Variants in ARL14EPL observed in about 807,000 individuals in gnomAD.
The protein encoded by ARL14EPL is ARF like GTPase 14 effector protein like.
A neutral mutation model predicts 15.9 loss-of-function variants in ARL14EPL; 17 were observed. The ratio of observed to expected loss-of-function variants is 1.07; its 90% CI spans 0.73 to 1.60. The LOEUF (loss-of-function observed/expected upper bound fraction) is 1.60, where lower values mean the gene tolerates loss of function less well. Among genes scored for constraint, ARL14EPL ranks in the 40% most tolerant of loss-of-function variants. The pLI is 0.00. For missense variants in ARL14EPL, 214 were observed against 185.9 expected (o/e 1.15, Z -0.88); for synonymous variants, 78 against 63.8 (o/e 1.22, Z -1.06).
chr5:116,047,687 G>A (rs911490567), intron 1 of ARL14EPL, among the ~76,000 whole-genome samples: 3 of 152,178 alleles, frequency 2.0e-5, no homozygotes, highest in Non-Finnish European at 2.9e-5. Flanking sequence ...TATAAGGCAG[G>A]ACCCTCTCTG....
Position 116,054,351 on chromosome 5 carries a change from C to T in ARL14EPL, c.236+198C>T, listed in dbSNP as rs1474537617. Among the ~76,000 whole-genome samples the T allele has an allele frequency of 3.9e-5, 6 of 152,102 alleles. No homozygotes were observed. In the East Asian group the frequency reaches 5.8e-4, roughly 15 times the overall value. ...TAGACTATAATCCCGAATTAGGAAT[C>T]GATTTTTTAAAAAGGCTTCAATAGC... On this transcript the variant is annotated intron_variant, in intron 3 of 3. Coordinates refer to ENST00000686077, the MANE Select transcript of ARL14EPL (RefSeq NM_001195581.2).
At chr5:116,052,333 C>T (rs1028723339) in intron 2 of ARL14EPL, 18 of 923,688 alleles carry the variant, frequency 1.9e-5, no homozygotes, top group Admixed American at 5.3e-5. Context: ...GCAAAGATGT[C>T]GGACAAAAAA....
At chr5:116,044,401 A>G (rs1396493) in intron 1 of ARL14EPL, among the ~76,000 whole-genome samples, 8,849 of 152,200 alleles carry the variant, frequency 0.058, 501 homozygotes, top group African/African-American at 0.14. Context: ...GTTTATAAAC[A>G]TGCTTTAGTT....
chr5:116,034,257 T>A (rs765329535), intron 1 of ARL14EPL, among the ~76,000 whole-genome samples: 22 of 152,288 alleles, frequency 1.4e-4, no homozygotes, highest in South Asian at 8.3e-4. Flanking sequence ...GTAGGGACAA[T>A]CCTTAGTGAT....
At chr5:116,034,681 G>A (rs985187832) in intron 1 of ARL14EPL, among the ~76,000 whole-genome samples, 1 of 119,970 alleles carries the variant, frequency 8.3e-6, no homozygotes, top group Non-Finnish European at 1.8e-5. Flanking sequence ...TCTTCTGTGG[G>A]TGATATACCA....
chr5:116,054,560 G>A (rs750630376), intron 3 of ARL14EPL, among the ~76,000 whole-genome samples: 44 of 152,294 alleles, frequency 2.9e-4, no homozygotes, highest in Admixed American at 1.1e-3. Context: ...GGCTGGGCAC[G>A]GTGGCTCACA....
At chr5:116,050,816 T>TCTCTCTCTCAC (rs1561579525) in intron 1 of ARL14EPL, among the ~76,000 whole-genome samples, 1 of 81,504 alleles carries the variant, frequency 1.2e-5, no homozygotes, top group Admixed American at 1.2e-4. Flanking sequence ...CTCTCTCTCT[T>TCTCTCTCTCAC]ACACACACAC....
chr5:116,054,032 T>C lies in ARL14EPL; in HGVS notation c.115T>C (p.Leu39=). Residue 39 remains leucine, a synonymous_variant, in exon 3 of 4, where the codon TTA becomes CTA. Transcript: ENST00000686077. ...QKQLQQIERQ[L]KCLAFRNPGP... ...TTAATAGCAACAAATAGAGCGGCAGTTAAAATGCTTGGCATTTCGAAACCC... is the reference window on the plus strand; with the variant it reads ...TTAATAGCAACAAATAGAGCGGCAGCTAAAATGCTTGGCATTTCGAAACCC... 6.5e-7 allele frequency: 1 copy of C among 1,535,268 alleles called. No homozygotes were observed. Among genetic ancestry groups the C allele is most frequent in the Non-Finnish European group, 8.7e-7 (1 of 1,146,510 alleles).
In ARL14EPL at chr5:116,046,701, C is replaced by A. The variant is rs139864637; in HGVS notation, c.-9-4756C>A. Among the ~76,000 whole-genome samples the A allele has an allele frequency of 3.1e-3, 475 of 152,276 alleles. 3 individuals are homozygous for A. The highest frequency in any genetic ancestry group is 0.011 in the African/African-American group (470 of 41,558). On this transcript the variant is annotated intron_variant, in intron 1 of 3. Transcript: ENST00000686077. ...CCTAAGGAATGATAATCTGTTCCAG[C>A]GCTGAAGAAATGCCTGGCTATGTTG... is the stretch of plus-strand genomic sequence containing the variant.
intron 1 of ARL14EPL, among the ~76,000 whole-genome samples, chr5:116,047,261 G>A (rs1050845347): frequency 5.9e-5 from 9 of 152,194 alleles, no homozygotes; most frequent in Non-Finnish European, 1.3e-4. Flanking sequence ...TGAGTGTTGC[G>A]TTTCTGAAGA....
At chr5:116,035,272 A>G (rs1293267856) in intron 1 of ARL14EPL, among the ~76,000 whole-genome samples, 2 of 152,230 alleles carry the variant, frequency 1.3e-5, no homozygotes, top group South Asian at 4.1e-4. Flanking sequence ...ACAATGGTTA[A>G]ACAAAGCAGC....
chr5:116,040,387 A>G (rs1477979491), intron 1 of ARL14EPL, among the ~76,000 whole-genome samples: 3 of 151,666 alleles, frequency 2.0e-5, no homozygotes, highest in Admixed American at 6.6e-5. Context: ...AATAGAAATT[A>G]TAGCCGTTTG....
chr5:116,047,683 G>A (rs985760072), intron 1 of ARL14EPL, among the ~76,000 whole-genome samples: 4 of 152,302 alleles, frequency 2.6e-5, no homozygotes, highest in African/African-American at 9.6e-5. Context: ...TGGGTATAAG[G>A]CAGGACCCTC....
intron 1 of ARL14EPL, among the ~76,000 whole-genome samples, chr5:116,050,396 G>A (rs1749347489): frequency 6.6e-6 from 1 of 152,204 alleles, no homozygotes; most frequent in South Asian, 2.1e-4. Context: ...GCTTCCAGCT[G>A]CATCCATGTT....
chr5:116,039,872 A>C (rs1040476220), intron 1 of ARL14EPL, among the ~76,000 whole-genome samples: 13 of 152,336 alleles, frequency 8.5e-5, no homozygotes, highest in African/African-American at 2.9e-4. Flanking sequence ...AAATGATTAC[A>C]TTCCTAGAAA....
chr5:116,051,112 ATCATACTTTT>A (rs1316083100), intron 1 of ARL14EPL: 5 of 181,908 alleles, frequency 2.7e-5, no homozygotes, highest in Non-Finnish European at 5.7e-5. Flanking sequence ...GCATTAACGT[ATCATACTTTT>A]TCTTTCAAGA....
At position 116,054,159 on chromosome 5, in the gene ARL14EPL, A is replaced by T. The variant is rs1321868629; in HGVS notation, c.236+6A>T. 3 of 1,533,640 alleles carry T rather than the reference A, an allele frequency of 2.0e-6. No individual in the cohort carries two copies. Among genetic ancestry groups the T allele is most frequent in the Non-Finnish European group, 2.6e-6 (3 of 1,145,586 alleles). On this transcript the variant is annotated splice_donor_region_variant and intron_variant, in intron 3 of 3. Coordinates refer to ENST00000686077, the MANE Select transcript of ARL14EPL (RefSeq NM_001195581.2). ...TATTTTTCTACCAAATACAAGTAAGATTCTGACTTATTGTATTTGATCTGT... is the reference window on the plus strand; with the variant it reads ...TATTTTTCTACCAAATACAAGTAAGTTTCTGACTTATTGTATTTGATCTGT...
chr5:116,048,073 G>A (rs372427786), intron 1 of ARL14EPL, among the ~76,000 whole-genome samples: 57 of 152,214 alleles, frequency 3.7e-4, no homozygotes, highest in African/African-American at 1.1e-3. Context: ...TTCCCCATAC[G>A]GGTACTAAAC....
intron 1 of ARL14EPL, among the ~76,000 whole-genome samples, chr5:116,042,060 G>A (rs559397306): frequency 2.0e-5 from 3 of 152,116 alleles, no homozygotes; most frequent in South Asian, 4.1e-4. Flanking sequence ...CGAATGTCTG[G>A]GTGCAGGCAA....
Sources: gnomAD v4.1 joint callset for allele counts (sites outside exome capture counted in the v4.1 genomes callset) on GRCh38, gnomAD v4.1.1 for gene constraint, MANE v1.5 for transcripts, NCBI Gene and HGNC (gene_info 2026-07-23, HGNC 2026-07-21) for gene names.